Variants in MID1 observed in about 807,000 individuals in gnomAD.
MID1 encodes E3 ubiquitin-protein ligase Midline-1.
MID1 carries 7 observed loss-of-function variants against 40.4 expected under a neutral mutation model. That is an observed-to-expected ratio of 0.17 (90% confidence interval 0.10 to 0.33). MID1 has a LOEUF of 0.33. Among genes scored for constraint, MID1 ranks in the 10% least tolerant of loss-of-function variants. The probability of loss-of-function intolerance (pLI) is 1.00; values close to 1 mark genes in which losing one functional copy is unlikely to be tolerated. For synonymous variants in MID1, 229 were observed against 221.2 expected (o/e 1.04, Z -0.31); for missense variants, 367 against 558.5 (o/e 0.66, Z 3.46).
intron 1 of MID1, among the ~76,000 whole-genome samples, chrX:10,748,550 C>A: frequency 9.0e-6 from 1 of 111,526 alleles, no homozygotes. Flanking sequence ...TAGTCATCAC[C>A]TGAGAAATTT....
At chrX:10,759,230 C>T (rs1192253206) in intron 1 of MID1, among the ~76,000 whole-genome samples, 1 of 112,142 alleles carries the variant, frequency 8.9e-6, no homozygotes, top group South Asian at 3.7e-4. Context: ...TAGTCCTAAG[C>T]GAGTGCTGTT....
intron 7 of MID1, among the ~76,000 whole-genome samples, chrX:10,466,387 T>C (rs1472571337): frequency 8.9e-6 from 1 of 111,970 alleles, no homozygotes; most frequent in Admixed American, 9.5e-5. Flanking sequence ...CATAGTATAG[T>C]AGTGTGTGTG....
chrX:10,449,687 G>T lies in MID1; in HGVS notation c.1685C>A (p.Ala562Asp). ...CTTCCCAATCCATTCATGCTTCGGGGCTGATTTGTAAGCAAGACCAATGGC... is the reference window on the plus strand; with the variant it reads ...CTTCCCAATCCATTCATGCTTCGGGTCTGATTTGTAAGCAAGACCAATGGC... ...WYAIGLAYKSAPKHEWIGKNS... is the reference protein window; with the variant it reads ...WYAIGLAYKSDPKHEWIGKNS... The change falls in exon 10 of 10, where the codon GCC (alanine) becomes GAC (aspartate). Residue 562 changes from alanine to aspartate, a missense_variant. Physicochemically the swap from Ala to Asp is moderately radical, Grantham distance 126. Transcript: ENST00000317552. 1 of 1,210,770 alleles carries T rather than the reference G, an allele frequency of 8.3e-7. No individual in the cohort carries two copies. Among genetic ancestry groups the T allele is most frequent in the African/African-American group, 1.7e-5 (1 of 57,709 alleles).
intron 1 of MID1, among the ~76,000 whole-genome samples, chrX:10,616,742 G>C (rs972307138): frequency 1.1e-4 from 12 of 112,787 alleles, no homozygotes; most frequent in Admixed American, 2.8e-4. Flanking sequence ...TCTTTAAACT[G>C]ACAGCAAGTC....
intron 2 of MID1, among the ~76,000 whole-genome samples, chrX:10,539,210 C>G (rs936743691): frequency 5.4e-5 from 6 of 111,981 alleles, no homozygotes; most frequent in Non-Finnish European, 1.1e-4. Context: ...TAGGAGGAAA[C>G]TGTACTATCA....
At chrX:10,680,335 C>G (rs985747765) in intron 1 of MID1, among the ~76,000 whole-genome samples, 6 of 111,535 alleles carry the variant, frequency 5.4e-5, no homozygotes, top group African/African-American at 2.0e-4. Flanking sequence ...TATTAGTGAC[C>G]AAGGGTATTT....
rs1387186463 is a variant in MID1, at chrX:10,704,835, G to C, written c.-186-84416C>G. Among the ~76,000 whole-genome samples the C allele has an allele frequency of 2.8e-5, 3 of 105,316 alleles. No homozygotes were observed. The Admixed American group carries it at 3.1e-4, about 11-fold the overall frequency. 91.5% of individuals were successfully genotyped at this position (105,316 alleles called of 115,157 possible). Reference sequence around the variant, plus strand: ...GCTGGAGTGCAGTGGCGCGATCTAGGCTCACTCCAACCTCTGCCTCCTGGG... The same window carrying C: ...GCTGGAGTGCAGTGGCGCGATCTAGCCTCACTCCAACCTCTGCCTCCTGGG... On this transcript the variant is annotated intron_variant, in intron 1 of 10. Transcript: ENST00000380785.
At chrX:10,624,139 A>T, upstream of MID1, among the ~76,000 whole-genome samples, 1 of 112,566 alleles carries the variant, frequency 8.9e-6, no homozygotes, top group Non-Finnish European at 1.9e-5. Flanking sequence ...GGGCCAAATA[A>T]GACTTGGAGT....
chrX:10,545,256 C>T (rs1015697907), intron 2 of MID1, among the ~76,000 whole-genome samples: 1 of 112,209 alleles, frequency 8.9e-6, no homozygotes, highest in African/African-American at 3.2e-5. Flanking sequence ...GCCACCACAC[C>T]CGGCTTCAAA....
At chrX:10,457,172 C>T (rs1256554588) in intron 8 of MID1, among the ~76,000 whole-genome samples, 1 of 112,004 alleles carries the variant, frequency 8.9e-6, no homozygotes, top group African/African-American at 3.2e-5. Flanking sequence ...CCATCATTTA[C>T]AATGAAGGCC....
At chrX:10,759,520 C>CAAGA (rs2043660531) in intron 1 of MID1, among the ~76,000 whole-genome samples, 1 of 111,070 alleles carries the variant, frequency 9.0e-6, no homozygotes, top group Non-Finnish European at 1.9e-5. Flanking sequence ...ATGCCACTTT[C>CAAGA]AGCAGGATGC....
At chrX:10,673,853 G>T (rs2043004976) in intron 1 of MID1, among the ~76,000 whole-genome samples, 1 of 111,312 alleles carries the variant, frequency 9.0e-6, no homozygotes, top group African/African-American at 3.3e-5. Flanking sequence ...TTGCAGTATT[G>T]TTGAGAAGAG....
At chrX:10,790,758 A>T (rs1405714557) in intron 1 of MID1, among the ~76,000 whole-genome samples, 1 of 111,527 alleles carries the variant, frequency 9.0e-6, no homozygotes, top group Non-Finnish European at 1.9e-5. Context: ...TCTAAACTGA[A>T]TTTTCTTTTC....
At chrX:10,451,198 G>A (rs1928315257) in intron 9 of MID1, among the ~76,000 whole-genome samples, 1 of 111,788 alleles carries the variant, frequency 8.9e-6, no homozygotes, top group African/African-American at 3.3e-5. Context: ...ATCCTCTCCT[G>A]CTTATGAGGA....
chrX:10,474,984 T>C lies in MID1; in HGVS notation c.1014-234A>G, dbSNP rs757663269. The C allele has an allele frequency of 1.1e-5, 5 of 445,178 alleles. No homozygotes were observed. In the South Asian group the frequency reaches 1.3e-4, roughly 12 times the overall value. 36.7% of individuals were successfully genotyped at this position (445,178 alleles called of 1,213,427 possible). On this transcript the variant is annotated intron_variant, in intron 5 of 9. Transcript: ENST00000317552. ...AACAAAATGGCTTGCCCTCTTCCTT[T>C]TTACTATCAGGAAAAAAAATTCCCT... is the stretch of plus-strand genomic sequence containing the variant.
chrX:10,805,827 G>A (rs1263097287), intron 1 of MID1, among the ~76,000 whole-genome samples: 72 of 107,561 alleles, frequency 6.7e-4, no homozygotes, highest in Middle Eastern at 4.9e-3. Flanking sequence ...GCCAGTGATG[G>A]TGAGCATTTT....
chrX:10,685,435 T>G (rs2043088546), intron 1 of MID1, among the ~76,000 whole-genome samples: 1 of 111,751 alleles, frequency 8.9e-6, no homozygotes, highest in African/African-American at 3.3e-5. Context: ...AATCTAAAAA[T>G]ATCACTCTAA....
At chrX:10,797,191 T>C (rs2043973225) in intron 1 of MID1, among the ~76,000 whole-genome samples, 1 of 111,810 alleles carries the variant, frequency 8.9e-6, no homozygotes, top group East Asian at 2.8e-4. Flanking sequence ...TTTACCATAT[T>C]CTGTCTTTTA....
At chrX:10,727,648 AGC>A (rs1377778216) in intron 1 of MID1, among the ~76,000 whole-genome samples, 1 of 111,529 alleles carries the variant, frequency 9.0e-6, no homozygotes, top group Non-Finnish European at 1.9e-5. Flanking sequence ...AGGGAGAGAG[AGC>A]AAGGATGCAT....
Sources: allele counts gnomAD v4.1 joint callset (sites outside exome capture counted in the v4.1 genomes callset), GRCh38; gene constraint gnomAD v4.1.1; transcripts MANE v1.5; gene names NCBI Gene and HGNC (gene_info 2026-07-23, HGNC 2026-07-21).